FAM149A: variants seen among roughly 807,000 people sequenced by gnomAD.
FAM149A encodes the protein family with sequence similarity 149 member A.
FAM149A carries 71 observed loss-of-function variants against 78.2 expected under a neutral mutation model. That is an observed-to-expected ratio of 0.91 (90% CI 0.75 to 1.11). The LOEUF (loss-of-function observed/expected upper bound fraction) is 1.11. Among genes scored for constraint, FAM149A ranks in the 50% least tolerant of loss-of-function variants. FAM149A has a pLI of 0.00. For missense variants in FAM149A, 1,036 were observed against 971.0 expected, an observed-to-expected ratio of 1.07 and a Z score of -0.89; for synonymous variants, 446 against 410.5, an observed-to-expected ratio of 1.09 and a Z score of -1.04.
chr4:186,125,752 G>C, intron 1 of FAM149A: 1 of 985,196 alleles, frequency 1.0e-6, no homozygotes, highest in Non-Finnish European at 1.2e-6. Context: ...GATACTGAGA[G>C]AAGGCAAAGA....
Position 186,174,890 on chromosome 4 carries a change from TCTTAC to T in FAM149A, c.*2908_*2912del, listed in dbSNP as rs966088394. Among the ~76,000 whole-genome samples, 10 of 111,330 alleles carry T rather than the reference TCTTAC, an allele frequency of 9.0e-5. 3 individuals carry two copies. The highest frequency in any genetic ancestry group is 2.0e-4 in the Non-Finnish European group (9 of 44,200). 73.0% of individuals were successfully genotyped at this position (111,330 alleles called of 152,430 possible). On this transcript the variant is annotated 3_prime_UTR_variant, in exon 14 of 14. Coordinates refer to ENST00000389354, the MANE Select transcript of FAM149A (RefSeq NM_001367768.3). ...TTTATAATCTACTTTAATAAATGAG[TCTTAC>T]CTTAGAATTAATCTATTAAAAATTA...
chr4:186,167,136 A>AT, intron 12 of FAM149A, 40 bp downstream of exon 12: 1 of 1,602,144 alleles, frequency 6.2e-7, no homozygotes, highest in Non-Finnish European at 8.5e-7. Flanking sequence ...TTTGAAAAAC[A>AT]TTTGAAAAAA....
chr4:186,166,627 G>A (rs1334253821), intron 11 of FAM149A, among the ~76,000 whole-genome samples: 6 of 146,386 alleles, frequency 4.1e-5, no homozygotes, highest in African/African-American at 1.6e-4. Context: ...CTCCAGCCTG[G>A]GTGACAGAGC....
intron 1 of FAM149A, among the ~76,000 whole-genome samples, chr4:186,110,847 A>G (rs2099310953): frequency 1.3e-5 from 2 of 150,814 alleles, no homozygotes; most frequent in South Asian, 4.2e-4. Context: ...TAATGCCGCA[A>G]TAAACCTATG....
chr4:186,117,897 G>A (rs2099314390), intron 1 of FAM149A: 1 of 984,742 alleles, frequency 1.0e-6, no homozygotes, highest in Non-Finnish European at 1.2e-6. Context: ...ACATAGGTGA[G>A]GCTGAGGAAG....
chr4:186,162,016 G>A (rs944777016), intron 8 of FAM149A, among the ~76,000 whole-genome samples: 4 of 152,192 alleles, frequency 2.6e-5, no homozygotes, highest in African/African-American at 9.7e-5. Context: ...CTGTCATCTA[G>A]GTAAATATTA....
chr4:186,116,918 T>C lies in FAM149A; in HGVS notation c.566+11276T>C, dbSNP rs79858853. On this transcript the variant is annotated intron_variant, in intron 1 of 13. Transcript: ENST00000389354. ...AGCATTGCGTAATCATAACAGCTCA[T>C]GTAAATTAGTATAGTTTTTAGAGCA... 1.2e-4 allele frequency: 25 copies of C among 202,728 alleles called. No individual in the cohort carries two copies. In the East Asian group the frequency reaches 4.6e-3, roughly 38 times the overall value. The allele number at this position is 202,728 out of a possible 1,614,324, so 12.6% of individuals were successfully genotyped here.
intron 6 of FAM149A, chr4:186,154,994 G>A (rs1376463422): frequency 1.9e-5 from 18 of 957,424 alleles, no homozygotes; most frequent in Non-Finnish European, 2.1e-5. Context: ...ACGGAGTCTC[G>A]CTCTGTCGCC....
In FAM149A at chr4:186,165,433, ATACAGCAG is replaced by A; in HGVS notation, c.1981_1988del (p.Thr661SerfsTer23). On this transcript the variant is annotated frameshift_variant, in exon 11 of 14. Transcript: ENST00000389354. LOFTEE classifies it high-confidence loss of function. ...CTAGTCACGGAGACCAGGGGGCAGA[ATACAGCAG>A]TTCCTGGATGCCGCCTTGTTTCTGT... The A allele has an allele frequency of 6.2e-7, 1 of 1,614,184 alleles. No homozygotes were observed. Among genetic ancestry groups the A allele is most frequent in the Admixed American group, 1.7e-5 (1 of 60,032 alleles).
chr4:186,113,224 C>T (rs2099312048), intron 1 of FAM149A, among the ~76,000 whole-genome samples: 1 of 20,240 alleles, frequency 4.9e-5, no homozygotes, highest in Non-Finnish European at 1.2e-4. Context: ...GTTTGTATTT[C>T]TGTGGGATCA....
rs1335022703 is a variant in FAM149A, at chr4:186,104,746, GC to G, written c.-330del. ...GGTGTGTTGAACGTAGCAACCGCGG[GC>G]GGCGGGCGGCGGGCGGCGGGCGTCT... On this transcript the variant is annotated 5_prime_UTR_variant, in exon 1 of 14. Transcript: ENST00000389354. 1.5e-4 allele frequency among the ~76,000 whole-genome samples: 7 copies of G among 46,794 alleles called. No individual in the cohort carries two copies. Among genetic ancestry groups the G allele is most frequent in the Non-Finnish European group, 4.2e-4 (6 of 14,268 alleles). The allele number at this position is 46,794 out of a possible 152,430, so 30.7% of individuals were successfully genotyped here.
At chr4:186,120,629 T>TA (rs970232779) in intron 1 of FAM149A, among the ~76,000 whole-genome samples, 6 of 150,910 alleles carry the variant, frequency 4.0e-5, no homozygotes, top group South Asian at 2.1e-4. Flanking sequence ...CTGTCTCTAC[T>TA]AAAAAAACAC....
At chr4:186,141,907 T>G (rs2099325950) in intron 1 of FAM149A, among the ~76,000 whole-genome samples, 1 of 152,104 alleles carries the variant, frequency 6.6e-6, no homozygotes, top group African/African-American at 2.4e-5. Context: ...TGGGGTGAAC[T>G]CTGATAAAAT....
In FAM149A at chr4:186,108,262, A is replaced by C. The variant is rs79903370; in HGVS notation, c.566+2620A>C. Among the ~76,000 whole-genome samples, 1,074 of 152,328 alleles carry C rather than the reference A, an allele frequency of 7.1e-3. 11 individuals carry two copies. Among genetic ancestry groups the C allele is most frequent in the Non-Finnish European group, 0.012 (789 of 68,032 alleles). On this transcript the variant is annotated intron_variant, in intron 1 of 13. Transcript: ENST00000389354. ...TAAAGAGTGATGAGAATGTGAATAC[A>C]TATAAAGGAAACCGTAAACCTGTCT... is the stretch of plus-strand genomic sequence containing the variant.
chr4:186,146,535 C>T, intron 1 of FAM149A: 1 of 978,758 alleles, frequency 1.0e-6, no homozygotes, highest in Non-Finnish European at 1.2e-6. Flanking sequence ...CACCCTTTCC[C>T]CTGAAAAAGA....
At position 186,104,879 on chromosome 4, in the gene FAM149A, C is replaced by T; in HGVS notation, c.-198C>T. On this transcript the variant is annotated 5_prime_UTR_variant, in exon 1 of 14. Transcript: ENST00000389354. The stretch of plus-strand genomic sequence containing the variant: ...TGCTCTCCGCAGCCGGGGCGCTCGG[C>T]GGACGGACCCGGGCCGGGGAAGGGC... 3.6e-6 allele frequency: 3 copies of T among 843,684 alleles called. No individual in the cohort carries two copies. Among genetic ancestry groups the T allele is most frequent in the Non-Finnish European group, 4.3e-6 (3 of 700,554 alleles). The allele number at this position is 843,684 out of a possible 1,614,324, so 52.3% of individuals were successfully genotyped here. A position where few individuals can be genotyped will look rare whatever the true frequency, so the allele number is the denominator to read the frequency against.
chr4:186,159,115 A>G (rs75464620), intron 8 of FAM149A, among the ~76,000 whole-genome samples: 2,475 of 152,266 alleles, frequency 0.016, 81 homozygotes, highest in African/African-American at 0.057. Context: ...AAAAGAACCA[A>G]TGAGTATACA....
At chr4:186,123,111 C>A in intron 1 of FAM149A, 1 of 461,484 alleles carries the variant, frequency 2.2e-6, no homozygotes, top group Non-Finnish European at 2.8e-6. Flanking sequence ...ATAGGCCATG[C>A]CTCTGCATTC....
chr4:186,158,179 A>G (rs1734222967), intron 8 of FAM149A: 2 of 1,279,976 alleles, frequency 1.6e-6, no homozygotes, highest in Admixed American at 4.7e-5. Flanking sequence ...CTGCCACCAG[A>G]GCCACTCCAG....
Sources: allele counts gnomAD v4.1 joint callset (sites outside exome capture counted in the v4.1 genomes callset), GRCh38; gene constraint gnomAD v4.1.1; transcripts MANE v1.5; gene names NCBI Gene and HGNC (gene_info 2026-07-23, HGNC 2026-07-21).